BIRC6: variants seen among roughly 807,000 people sequenced by gnomAD.
The protein encoded by BIRC6 is dual E2 ubiquitin-conjugating enzyme/E3 ubiquitin-protein ligase BIRC6.
Under a neutral mutation model 503.3 loss-of-function variants are expected in BIRC6, and 98 were observed. That is an observed-to-expected ratio of 0.19 (90% CI 0.17 to 0.23). The LOEUF (loss-of-function observed/expected upper bound fraction) is 0.23. Among genes scored for constraint, BIRC6 ranks in the 10% least tolerant of loss-of-function variants. The probability of loss-of-function intolerance (pLI) is 1.00; values close to 1 mark genes in which losing one functional copy is unlikely to be tolerated. For synonymous variants in BIRC6, 2,240 were observed against 2,078.7 expected, an observed-to-expected ratio of 1.08 and a Z score of -2.11; for missense variants, 5,360 against 5,806.0, an observed-to-expected ratio of 0.92 and a Z score of 2.50.
chr2:32,470,979 C>T (rs2049037321), intron 31 of BIRC6, 35 bp from the exon 32 acceptor site: 1 of 1,548,142 alleles, frequency 6.5e-7, no homozygotes, highest in East Asian at 2.4e-5. Flanking sequence ...CTAAAGTCAT[C>T]TGGATGTTTT....
At chr2:32,592,745 GCCACCATGT>G (rs1208387910) in intron 66 of BIRC6, among the ~76,000 whole-genome samples, 2 of 152,040 alleles carry the variant, frequency 1.3e-5, no homozygotes, top group African/African-American at 4.8e-5. Context: ...ACAGGCATGC[GCCACCATGT>G]CCAGCTAATT....
chr2:32,535,078 G>A (rs958798170), intron 61 of BIRC6, among the ~76,000 whole-genome samples: 13 of 147,912 alleles, frequency 8.8e-5, no homozygotes, highest in East Asian at 4.0e-4. Context: ...AGACTGAAGC[G>A]GGAGGATTAC....
Position 32,505,039 on chromosome 2 carries a change from A to G in BIRC6, c.9534A>G (p.Pro3178=), listed in dbSNP as rs368351495. Reference sequence around the variant, plus strand: ...CATCTAGCAGTCCTACTGCCCAACCAGCTGAAGTGCTATTGCAGGCCACAC... The same window carrying G: ...CATCTAGCAGTCCTACTGCCCAACCGGCTGAAGTGCTATTGCAGGCCACAC... The part of the protein sequence containing the change: ...TITSSSPTAQ[P]AEVLLQATPP... Residue 3178 remains proline, a synonymous_variant, in exon 50 of 74, where the codon CCA becomes CCG. Transcript: ENST00000421745. 9 of 1,613,742 alleles carry G rather than the reference A, an allele frequency of 5.6e-6. No homozygotes were observed. The highest frequency in any genetic ancestry group is 1.6e-4 in the Middle Eastern group (1 of 6,084).
Position 32,477,414 on chromosome 2 carries a change from G to A in BIRC6, c.6899G>A (p.Arg2300His), listed in dbSNP as rs768271303. The stretch of plus-strand genomic sequence containing the variant: ...TTACGTCGGACAGCAGAATGGTCCC[G>A]TTCTAATTTAGACACAGAAGTTACA... ...IRLRRTAEWS[R>H]SNLDTEVTTA... Residue 2300 changes from arginine (R) to histidine (H), a missense_variant, in exon 35 of 74, where the codon CGT becomes CAT. Arg to His is a conservative substitution (Grantham distance 29). Around this residue, in one of 16 missense-constraint regions of BIRC6, gnomAD observed 2,299 missense variants for 2,267.2 expected, o/e 1.01. Transcript: ENST00000421745. 15 of 1,613,904 alleles carry A rather than the reference G, an allele frequency of 9.3e-6. No individual in the cohort carries two copies. Among genetic ancestry groups the A allele is most frequent in the East Asian group, 4.5e-5 (2 of 44,884 alleles).
intron 23 of BIRC6, among the ~76,000 whole-genome samples, chr2:32,461,900 G>T (rs1410944663): frequency 6.6e-6 from 1 of 151,806 alleles, no homozygotes; most frequent in Admixed American, 6.6e-5. Context: ...TTTTCTTGCC[G>T]AGATTAAATA....
intron 22 of BIRC6, among the ~76,000 whole-genome samples, chr2:32,452,562 A>G (rs986336371): frequency 3.9e-5 from 6 of 152,174 alleles, no homozygotes; most frequent in South Asian, 2.1e-4. Context: ...TTTCTTTGCT[A>G]TGGGGATTTC....
intron 12 of BIRC6, among the ~76,000 whole-genome samples, 156 bp from the exon 13 acceptor site, chr2:32,433,488 C>T (rs2044363842): frequency 6.6e-6 from 1 of 152,062 alleles, no homozygotes; most frequent in Non-Finnish European, 1.5e-5. Context: ...TAACCTTCTC[C>T]ATTGGGAGCT....
chr2:32,481,585 T>C, intron 38 of BIRC6, 132 bp downstream of exon 38: 2 of 647,720 alleles, frequency 3.1e-6, no homozygotes. Context: ...GCCAACATAG[T>C]GAAATCCCGT....
chr2:32,570,686 G>A (rs2059855710), intron 65 of BIRC6, among the ~76,000 whole-genome samples: 1 of 141,776 alleles, frequency 7.1e-6, no homozygotes, highest in Non-Finnish European at 1.5e-5. Flanking sequence ...TTTTAGTAGA[G>A]ATGGGTTTCA....
At chr2:32,497,883 CTA>C (rs1204997125) in intron 45 of BIRC6, among the ~76,000 whole-genome samples, 1 of 151,986 alleles carries the variant, frequency 6.6e-6, no homozygotes, top group Non-Finnish European at 1.5e-5. Flanking sequence ...TCTATATAGA[CTA>C]TATAGACTAC....
At chr2:32,610,919 C>T (rs2062827118) in intron 72 of BIRC6, among the ~76,000 whole-genome samples, 1 of 152,062 alleles carries the variant, frequency 6.6e-6, no homozygotes, top group Admixed American at 6.6e-5. Flanking sequence ...CAGGTGCCTG[C>T]CACCATGCCT....
chr2:32,581,790 G>T (rs992327971), intron 66 of BIRC6, among the ~76,000 whole-genome samples: 2 of 152,166 alleles, frequency 1.3e-5, no homozygotes, highest in African/African-American at 4.8e-5. Flanking sequence ...AAGGAGGATT[G>T]TTTATACTAC....
At chr2:32,495,514 C>G (rs1315604248) in intron 45 of BIRC6, among the ~76,000 whole-genome samples, 1 of 152,170 alleles carries the variant, frequency 6.6e-6, no homozygotes. Flanking sequence ...AGAAGGCATT[C>G]AGTTTTATCA....
At chr2:32,466,726 T>G (rs1296666986) in intron 26 of BIRC6, among the ~76,000 whole-genome samples, 2 of 152,246 alleles carry the variant, frequency 1.3e-5, no homozygotes, top group Admixed American at 1.3e-4. Flanking sequence ...TCTGATGTTT[T>G]AAAGAAGCTT....
At chr2:32,402,071 G>A (rs1207721561) in intron 8 of BIRC6, among the ~76,000 whole-genome samples, 1 of 152,186 alleles carries the variant, frequency 6.6e-6, no homozygotes, top group Non-Finnish European at 1.5e-5. Flanking sequence ...TGAGGCAAGA[G>A]GATCTAATTG....
intron 61 of BIRC6, among the ~76,000 whole-genome samples, chr2:32,540,651 A>G (rs571649119): frequency 2.0e-5 from 3 of 152,024 alleles, no homozygotes; most frequent in Non-Finnish European, 2.9e-5. Flanking sequence ...TTGAATCGTT[A>G]TACTTGTGAC....
In BIRC6 at chr2:32,512,917, G is replaced by T; in HGVS notation, c.10347-16G>T. ...ACTATATAGTTGGTTATATGAATTC[G>T]TTTTCTTCGTTTAAGAATTCAGGCC... On this transcript the variant is annotated splice_polypyrimidine_tract_variant and intron_variant, in intron 53 of 73. Transcript: ENST00000421745. 1.2e-6 allele frequency: 2 copies of T among 1,609,760 alleles called. No homozygotes were observed. The highest frequency in any genetic ancestry group is 2.2e-5 in the South Asian group (2 of 90,800).
rs1574141518 is a variant in BIRC6, at chr2:32,429,405, T to C, written c.3022+110T>C. 6 of 802,320 alleles carry C rather than the reference T, an allele frequency of 7.5e-6. No homozygotes were observed. In the East Asian group the frequency reaches 1.8e-4, roughly 24 times the overall value. The allele number at this position is 802,320 out of a possible 1,614,324, so 49.7% of individuals were successfully genotyped here. On this transcript the variant is annotated intron_variant, in intron 11 of 73. Transcript: ENST00000421745. Reference sequence around the variant, plus strand: ...TTAAAGTAAGAAGTGATTCTCAACCTGTATGGTATGTTACTCAATATTTGT... The same window carrying C: ...TTAAAGTAAGAAGTGATTCTCAACCCGTATGGTATGTTACTCAATATTTGT...
At position 32,442,216 on chromosome 2, in the gene BIRC6, G is replaced by A. The variant is rs1378498902; in HGVS notation, c.4096G>A (p.Gly1366Arg). The change falls in exon 18 of 74, where the codon GGA becomes AGA. Residue 1366 changes from glycine (G) to arginine (R), a missense_variant. Transcript: ENST00000421745. The part of the protein sequence containing the change: ...LCWLAGVHSN[G>R]PGSSKEGNEN... Reference sequence around the variant, plus strand: ...TTGGTTAGCTGGAGTTCATTCAAATGGACCCGGAAGGTTAATAATTAAAAT... The same window carrying A: ...TTGGTTAGCTGGAGTTCATTCAAATAGACCCGGAAGGTTAATAATTAAAAT... 1.9e-6 allele frequency: 3 copies of A among 1,602,454 alleles called. No homozygotes were observed. The highest frequency in any genetic ancestry group is 1.7e-4 in the Middle Eastern group (1 of 5,978).
Sources: allele counts gnomAD v4.1 joint callset (sites outside exome capture counted in the v4.1 genomes callset), GRCh38; gene constraint gnomAD v4.1.1; regional missense constraint gnomAD v4.1.1; transcripts MANE v1.5; gene names NCBI Gene and HGNC (gene_info 2026-07-23, HGNC 2026-07-21).